Variants in ITGA8 observed in about 807,000 individuals in gnomAD.
ITGA8 encodes integrin subunit alpha 8, also known as integrin alpha-8.
In ITGA8, 91 loss-of-function variants were observed where a neutral mutation model predicts 142.3. The observed-to-expected ratio is 0.64, with a 90% CI of 0.54 to 0.76. ITGA8 has a LOEUF of 0.76. Ranked by LOEUF, ITGA8 falls within the 30% of genes least tolerant of loss-of-function variation. The pLI, the probability that ITGA8 is intolerant of heterozygous loss-of-function variation, is 0.00. For missense variants in ITGA8, 1,406 were observed against 1,327.7 expected (o/e 1.06, Z -0.92); for synonymous variants, 505 against 485.2 (o/e 1.04, Z -0.54).
chr10:15,650,957 G>T (rs1834074464), intron 11 of ITGA8, among the ~76,000 whole-genome samples: 1 of 152,096 alleles, frequency 6.6e-6, no homozygotes, highest in Non-Finnish European at 1.5e-5. Flanking sequence ...TATCCTGTAT[G>T]AATGAACATA....
intron 27 of ITGA8, among the ~76,000 whole-genome samples, chr10:15,538,377 T>C (rs7083587): frequency 0.2 from 30,039 of 151,912 alleles, 4,007 homozygotes; most frequent in African/African-American, 0.38. Context: ...CTGGGCATGA[T>C]GGCGGGTGCC....
intron 23 of ITGA8, among the ~76,000 whole-genome samples, chr10:15,582,661 A>G (rs887608735): frequency 3.9e-5 from 6 of 152,272 alleles, no homozygotes; most frequent in Non-Finnish European, 7.3e-5. Context: ...TATTGATGGC[A>G]AATAAGCACT....
chr10:15,652,129 GT>G (rs1159628995), intron 11 of ITGA8, among the ~76,000 whole-genome samples: 3 of 152,220 alleles, frequency 2.0e-5, no homozygotes, highest in Admixed American at 6.5e-5. Flanking sequence ...TTACTACCAT[GT>G]TGTTTCGATT....
intron 15 of ITGA8, among the ~76,000 whole-genome samples, chr10:15,612,990 G>A (rs1362482927): frequency 6.6e-6 from 1 of 152,072 alleles, no homozygotes; most frequent in East Asian, 1.9e-4. Flanking sequence ...GTGAAACCCC[G>A]TCTCTACTAA....
chr10:15,688,161 A>C (rs1333577450), intron 2 of ITGA8, 123 bp from the exon 3 acceptor site: 1 of 690,344 alleles, frequency 1.4e-6, no homozygotes, highest in African/African-American at 1.8e-5. Context: ...TCCTCCAAAA[A>C]AATTGAAAAG....
chr10:15,682,423 A>G (rs7093680), intron 4 of ITGA8, among the ~76,000 whole-genome samples: 119,446 of 152,060 alleles, frequency 0.79, 48,445 homozygotes, highest in Middle Eastern at 0.9. Flanking sequence ...AGCTATTTAA[A>G]ATAAAATCCT....
chr10:15,614,025 G>C (rs535833187), intron 14 of ITGA8, among the ~76,000 whole-genome samples: 1 of 152,108 alleles, frequency 6.6e-6, no homozygotes, highest in Non-Finnish European at 1.5e-5. Context: ...GCAAAGTTGC[G>C]TACACAACCT....
chr10:15,529,581 T>A (rs952777146), intron 28 of ITGA8, among the ~76,000 whole-genome samples: 2 of 152,166 alleles, frequency 1.3e-5, no homozygotes, highest in Admixed American at 6.6e-5. Flanking sequence ...AGTGTCAGGG[T>A]CCCACCCCAG....
intron 27 of ITGA8, among the ~76,000 whole-genome samples, chr10:15,533,575 C>A (rs532107558): frequency 6.6e-6 from 1 of 152,280 alleles, no homozygotes; most frequent in Admixed American, 6.5e-5. Flanking sequence ...CGTTTCCATG[C>A]TCCCAAACCT....
intron 26 of ITGA8, among the ~76,000 whole-genome samples, chr10:15,555,935 G>A (rs1264765994): frequency 6.7e-6 from 1 of 148,792 alleles, no homozygotes; most frequent in Non-Finnish European, 1.5e-5. Flanking sequence ...CTGACCTCGT[G>A]ATCTGCCCAC....
intron 13 of ITGA8, among the ~76,000 whole-genome samples, chr10:15,617,082 C>G (rs1833407573): frequency 6.6e-6 from 1 of 152,140 alleles, no homozygotes. Flanking sequence ...TATAAAATAA[C>G]TAACATATTA....
chr10:15,532,418 C>CAAAAAAAAA lies in ITGA8; in HGVS notation c.2881-1276_2881-1268dup, dbSNP rs35130036. Among the ~76,000 whole-genome samples, 15 of 27,842 alleles carry CAAAAAAAAA rather than the reference C, an allele frequency of 5.4e-4. 1 individual carries two copies. Among genetic ancestry groups the CAAAAAAAAA allele is most frequent in the African/African-American group, 2.5e-3 (12 of 4,762 alleles). 18.3% of individuals were successfully genotyped at this position (27,842 alleles called of 152,430 possible). On this transcript the variant is annotated intron_variant, in intron 27 of 29. Transcript: ENST00000378076. ...TGCGCAACCGAGTGAGACTCCCTCT[C>CAAAAAAAAA]AAAAAAAAAAAAAAAAAAAAAAAAA...
intron 2 of ITGA8, among the ~76,000 whole-genome samples, chr10:15,711,453 C>T (rs1835362396): frequency 6.6e-6 from 1 of 152,218 alleles, no homozygotes; most frequent in African/African-American, 2.4e-5. Context: ...ACTCTCTTGC[C>T]TTCTCCATAA....
In ITGA8 at chr10:15,608,309, A is replaced by T; in HGVS notation, c.1554-19T>A. The T allele has an allele frequency of 6.5e-7, 1 of 1,528,482 alleles. No homozygotes were observed. The highest frequency in any genetic ancestry group is 1.2e-5 in the South Asian group (1 of 84,130). The allele number at this position is 1,528,482 out of a possible 1,614,324, so 94.7% of individuals were successfully genotyped here. On this transcript the variant is annotated intron_variant, in intron 15 of 29. Transcript: ENST00000378076. ...AGAAAAGCTATAGAAAATAGTAGTAATTTATTGGTTAATAAAGTTTTGAAT... is the reference window on the plus strand; with the variant it reads ...AGAAAAGCTATAGAAAATAGTAGTATTTTATTGGTTAATAAAGTTTTGAAT...
intron 23 of ITGA8, among the ~76,000 whole-genome samples, chr10:15,583,037 A>G (rs1219048642): frequency 6.6e-6 from 1 of 152,262 alleles, no homozygotes; most frequent in Non-Finnish European, 1.5e-5. Flanking sequence ...TGAACAATTC[A>G]CTGGACATCC....
At chr10:15,569,153 C>T (rs986435827) in intron 25 of ITGA8, among the ~76,000 whole-genome samples, 4 of 151,896 alleles carry the variant, frequency 2.6e-5, no homozygotes, top group African/African-American at 7.3e-5. Flanking sequence ...TATCTGAACA[C>T]GAGGGAAAGG....
At position 15,569,482 on chromosome 10, in the gene ITGA8, T is replaced by C. The variant is rs1296896833; in HGVS notation, c.2637+2729A>G. On this transcript the variant is annotated intron_variant, in intron 25 of 29. Transcript: ENST00000378076. ...CACTTCCCCGGTGAGTAAGATTGGA[T>C]ACTGGAATTGAATTCTTGCCTTGAC... 7.2e-5 allele frequency among the ~76,000 whole-genome samples: 11 copies of C among 152,360 alleles called. No individual in the cohort carries two copies. In the East Asian group the frequency reaches 2.1e-3, roughly 29 times the overall value.
intron 2 of ITGA8, among the ~76,000 whole-genome samples, chr10:15,703,538 C>G (rs1279008508): frequency 6.6e-6 from 1 of 152,148 alleles, no homozygotes; most frequent in East Asian, 1.9e-4. Context: ...AAAGAATTAT[C>G]TCTTCCAAGG....
chr10:15,669,773 G>A (rs1834473170), intron 8 of ITGA8, among the ~76,000 whole-genome samples: 1 of 152,172 alleles, frequency 6.6e-6, no homozygotes, highest in Admixed American at 6.5e-5. Context: ...TTTGCTAGAG[G>A]TCCACTCCAG....
Sources: gnomAD v4.1 joint callset for allele counts (sites outside exome capture counted in the v4.1 genomes callset) on GRCh38, gnomAD v4.1.1 for gene constraint, MANE v1.5 for transcripts, NCBI Gene and HGNC (gene_info 2026-07-23, HGNC 2026-07-21) for gene names.